TRIM62: variants seen among roughly 807,000 people sequenced by gnomAD.
TRIM62 encodes E3 ubiquitin-protein ligase TRIM62.
In TRIM62, 39 loss-of-function variants were observed where a neutral mutation model predicts 44.2. The observed-to-expected ratio is 0.88, with a 90% CI of 0.68 to 1.15. The LOEUF is 1.15. Among genes scored for constraint, TRIM62 ranks in the 50% most tolerant of loss-of-function variants. The pLI, the probability that TRIM62 is intolerant of heterozygous loss-of-function variation, is 0.00. For synonymous variants in TRIM62, 278 were observed against 292.3 expected, an observed-to-expected ratio of 0.95 and a Z score of 0.50; for missense variants, 544 against 665.5, an observed-to-expected ratio of 0.82 and a Z score of 2.01.
At chr1:33,148,361 A>G (rs1460644063) in intron 4 of TRIM62, among the ~76,000 whole-genome samples, 8 of 152,250 alleles carry the variant, frequency 5.3e-5, no homozygotes, top group African/African-American at 1.9e-4. Flanking sequence ...GTTTTAATAT[A>G]TACTGAATAT....
intron 2 of TRIM62, among the ~76,000 whole-genome samples, chr1:33,162,020 T>A (rs1014187277): frequency 6.6e-6 from 1 of 152,190 alleles, no homozygotes; most frequent in Admixed American, 6.5e-5. Context: ...CACACCCATT[T>A]TTCCAACAGT....
intron 1 of TRIM62, among the ~76,000 whole-genome samples, chr1:33,179,764 G>T (rs979236679): frequency 6.6e-6 from 1 of 152,142 alleles, no homozygotes; most frequent in Non-Finnish European, 1.5e-5. Flanking sequence ...ACATGGGGCT[G>T]CTGGATTTAA....
Position 33,181,410 on chromosome 1 carries a change from TC to T in TRIM62, c.22del (p.Glu8SerfsTer8), listed in dbSNP as rs752696186. The T allele has an allele frequency of 6.2e-7, 1 of 1,601,374 alleles. No homozygotes were observed. The highest frequency in any genetic ancestry group is 8.5e-7 in the Non-Finnish European group (1 of 1,176,992). ...GCTCAGGCAGATGGAGCACAGCAGC[TC>T]GTCCTTGAGGCTGCACGCCATGGCG... MACSLKDELLCSICLSIY... is the reference protein window; with the variant it reads MACSLKDXLLCSICLSIY... On this transcript the variant is annotated frameshift_variant, in exon 1 of 5. Transcript: ENST00000291416. LOFTEE classifies it high-confidence loss of function. The surrounding 1 kb of genome is among the most constrained non-coding windows in gnomAD (Gnocchi z 6.5).
rs1389018118 is a variant in TRIM62 at position 33,162,093 on chromosome 1, C to T, written c.505-2149G>A. On this transcript the variant is annotated intron_variant, in intron 2 of 4. Transcript: ENST00000291416. ...CCAACTCACTTGGTCTACAAGTCAA[C>T]TCTTGTCTTTGCCAGCAAACTCACT... is the stretch of plus-strand genomic sequence containing the variant. 2.6e-5 allele frequency among the ~76,000 whole-genome samples: 4 copies of T among 152,230 alleles called. No individual in the cohort carries two copies. The East Asian group carries it at 5.8e-4, about 22-fold the overall frequency.
chr1:33,171,512 T>C (rs933718312), intron 1 of TRIM62, among the ~76,000 whole-genome samples: 1 of 152,300 alleles, frequency 6.6e-6, no homozygotes, highest in Non-Finnish European at 1.5e-5. Flanking sequence ...TTGGCCTCCC[T>C]ACCTCCCATG....
At chr1:33,150,277 G>A (rs1259833332) in intron 4 of TRIM62, among the ~76,000 whole-genome samples, 1 of 152,084 alleles carries the variant, frequency 6.6e-6, no homozygotes, top group Non-Finnish European at 1.5e-5. Context: ...ACATGGTTAT[G>A]CTTGGCTGGA....
chr1:33,178,155 C>T (rs1645435955), intron 1 of TRIM62, among the ~76,000 whole-genome samples: 1 of 152,194 alleles, frequency 6.6e-6, no homozygotes, highest in South Asian at 2.1e-4. Flanking sequence ...CCCTTCCTCC[C>T]TCTCCCTCTC....
chr1:33,161,853 C>G lies in TRIM62; in HGVS notation c.505-1909G>C, dbSNP rs1305776140. On this transcript the variant is annotated intron_variant, in intron 2 of 4. Coordinates refer to ENST00000291416, the MANE Select transcript of TRIM62 (RefSeq NM_018207.3). This position sits in a 1 kb window ranked among gnomAD's most constrained non-coding sequence, Gnocchi z 4.3. ...GAAAGTTCTGCTTTGCCTCCCATCT[C>G]TGTGACTGCTGCCTCTCTGCCTCCC... is the stretch of plus-strand genomic sequence containing the variant. 1.3e-5 allele frequency among the ~76,000 whole-genome samples: 2 copies of G among 152,198 alleles called. No individual in the cohort carries two copies. Among genetic ancestry groups the G allele is most frequent in the South Asian group, 4.1e-4 (2 of 4,824 alleles).
chr1:33,149,139 T>G (rs1409899057), intron 4 of TRIM62, among the ~76,000 whole-genome samples: 3 of 152,180 alleles, frequency 2.0e-5, no homozygotes, highest in Non-Finnish European at 2.9e-5. Flanking sequence ...CTGAAATTCC[T>G]TTTGCCTCTT....
At chr1:33,175,899 G>C (rs1645415280) in intron 1 of TRIM62, among the ~76,000 whole-genome samples, 2 of 152,078 alleles carry the variant, frequency 1.3e-5, no homozygotes, top group Non-Finnish European at 2.9e-5. Flanking sequence ...TCCCTACCAG[G>C]TCTTTTTTCT....
chr1:33,148,336 G>T (rs1250713849), intron 4 of TRIM62, among the ~76,000 whole-genome samples: 3 of 152,180 alleles, frequency 2.0e-5, no homozygotes, highest in Non-Finnish European at 4.4e-5. Context: ...GTATAAACAT[G>T]AAATTTTTTT....
intron 1 of TRIM62, among the ~76,000 whole-genome samples, chr1:33,172,581 G>A (rs1405553552): frequency 6.6e-6 from 1 of 152,154 alleles, no homozygotes; most frequent in African/African-American, 2.4e-5. Context: ...GGTGAGTGGG[G>A]AGGACACACC....
chr1:33,149,326 G>A (rs1463097246), intron 4 of TRIM62, among the ~76,000 whole-genome samples: 1 of 152,024 alleles, frequency 6.6e-6, no homozygotes, highest in Admixed American at 6.6e-5. Context: ...CTAATTTTTT[G>A]TATTTTTAGT....
In TRIM62 at chr1:33,181,499, C is replaced by G. The variant is rs1467858653; in HGVS notation, c.-67G>C. The G allele has an allele frequency of 1.3e-6, 2 of 1,499,566 alleles. No homozygotes were observed. Among genetic ancestry groups the G allele is most frequent in the African/African-American group, 2.8e-5 (2 of 70,916 alleles). The allele number at this position is 1,499,566 out of a possible 1,614,324, so 92.9% of individuals were successfully genotyped here. On this transcript the variant is annotated 5_prime_UTR_variant, in exon 1 of 5. Transcript: ENST00000291416. This position sits in a 1 kb window ranked among gnomAD's most constrained non-coding sequence, Gnocchi z 6.5. Reference sequence around the variant, plus strand: ...GGCGGCTGAGAGAGCGCGGCGCTGTCGGAGGCAGCACCGAGGGCTGGGCGC... The same window carrying G: ...GGCGGCTGAGAGAGCGCGGCGCTGTGGGAGGCAGCACCGAGGGCTGGGCGC...
intron 4 of TRIM62, among the ~76,000 whole-genome samples, chr1:33,150,026 G>A (rs770430018): frequency 6.6e-6 from 1 of 152,190 alleles, no homozygotes; most frequent in Non-Finnish European, 1.5e-5. Context: ...GGCTTAGCAG[G>A]TCTGACTAAA....
intron 1 of TRIM62, among the ~76,000 whole-genome samples, chr1:33,170,100 C>T (rs977259836): frequency 6.6e-6 from 1 of 152,112 alleles, no homozygotes; most frequent in Non-Finnish European, 1.5e-5. Flanking sequence ...GAGGCTGAGA[C>T]CTTTGGATCA....
intron 1 of TRIM62, among the ~76,000 whole-genome samples, chr1:33,174,856 C>G (rs955988888): frequency 6.6e-6 from 1 of 151,756 alleles, no homozygotes; most frequent in African/African-American, 2.4e-5. Flanking sequence ...AGGGCTGGCC[C>G]TCTGTAGCCA....
In TRIM62 at chr1:33,181,753, G is replaced by A. The variant is rs1645466388; in HGVS notation, c.-321C>T. ...CGGGGAGGTTCTAGGGGGCGGGGCA[G>A]TCCTAAGGGATAGGAGCTGGGAGAA... On this transcript the variant is annotated 5_prime_UTR_variant, in exon 1 of 5. Transcript: ENST00000291416. The surrounding 1 kb of genome is among the most constrained non-coding windows in gnomAD (Gnocchi z 6.5). 3.0e-6 allele frequency: 1 copy of A among 338,804 alleles called. No individual in the cohort carries two copies. The highest frequency in any genetic ancestry group is 5.4e-6 in the Non-Finnish European group (1 of 183,654). 21.0% of individuals were successfully genotyped at this position (338,804 alleles called of 1,614,324 possible). A position where few individuals can be genotyped will look rare whatever the true frequency, so the allele number is the denominator to read the frequency against.
At chr1:33,171,307 G>T (rs766009235) in intron 1 of TRIM62, among the ~76,000 whole-genome samples, 1 of 152,168 alleles carries the variant, frequency 6.6e-6, no homozygotes, top group Admixed American at 6.5e-5. Flanking sequence ...ATGTGGTTTG[G>T]GTTTGAATTT....
Sources: allele counts gnomAD v4.1 joint callset (sites outside exome capture counted in the v4.1 genomes callset), GRCh38; gene constraint gnomAD v4.1.1; non-coding constraint Gnocchi (gnomAD v3.1); transcripts MANE v1.5; gene names NCBI Gene and HGNC (gene_info 2026-07-23, HGNC 2026-07-21).